ECE1: variants seen among roughly 807,000 people sequenced by gnomAD.
ECE1 encodes the protein endothelin converting enzyme 1.
A neutral mutation model predicts 98.6 loss-of-function variants in ECE1; 35 were observed. The observed-to-expected ratio is 0.35, with a 90% CI of 0.27 to 0.47. The LOEUF is 0.47. Among genes scored for constraint, ECE1 ranks in the 20% least tolerant of loss-of-function variants. ECE1 has a pLI of 1.00. For synonymous variants in ECE1, 394 were observed against 407.1 expected, an observed-to-expected ratio of 0.97 and a Z score of 0.39; for missense variants, 814 against 1,025.3, an observed-to-expected ratio of 0.79 and a Z score of 2.81.
At chr1:21,277,973 C>T (rs2098249448) in intron 3 of ECE1, among the ~76,000 whole-genome samples, 1 of 152,222 alleles carries the variant, frequency 6.6e-6, no homozygotes. Flanking sequence ...AGTCCCCTCC[C>T]CACCCCAGCG....
At chr1:21,261,661 T>C (rs2098227036) in intron 4 of ECE1, among the ~76,000 whole-genome samples, 1 of 152,226 alleles carries the variant, frequency 6.6e-6, no homozygotes, top group Admixed American at 6.5e-5. Flanking sequence ...AGCCCAGCCC[T>C]GTGCCTGGCA....
chr1:21,227,341 GCT>G, intron 15 of ECE1, 115 bp from the exon 16 acceptor site: 1 of 1,052,924 alleles, frequency 9.5e-7, no homozygotes, highest in Non-Finnish European at 1.5e-6. Flanking sequence ...ATTCCACAGG[GCT>G]CTGTGTGGAT....
At chr1:21,287,938 C>T (rs2098262424) in intron 2 of ECE1, among the ~76,000 whole-genome samples, 1 of 150,164 alleles carries the variant, frequency 6.7e-6, no homozygotes, top group Non-Finnish European at 1.5e-5. Context: ...CCCAAGTGAG[C>T]ATATAAAGCT....
rs1221990839 is a variant in ECE1, at chr1:21,272,908, G to T, written c.284C>A (p.Ser95Tyr). Residue 95 changes from serine to tyrosine, a missense_variant, in exon 4 of 19, where the codon TCC becomes TAC. Physicochemically the swap from Ser to Tyr is moderately radical, Grantham distance 144. Around this residue, in one of 3 missense-constraint regions of ECE1, gnomAD observed 257 missense variants for 278.9 expected, o/e 0.92. Transcript: ENST00000374893. Reference sequence around the variant, plus strand: ...AGCTTCGCTCAGGCACACAGAGGGGGATCCTGGAAGGGTTAAGGACAAGAG... The same window carrying T: ...AGCTTCGCTCAGGCACACAGAGGGGTATCCTGGAAGGGTTAAGGACAAGAG... ...AALGIQYQTR[S>Y]PSVCLSEACV... 6.2e-7 allele frequency: 1 copy of T among 1,613,996 alleles called. No individual in the cohort carries two copies. Among genetic ancestry groups the T allele is most frequent in the African/African-American group, 1.3e-5 (1 of 74,936 alleles).
At chr1:21,251,600 G>A (rs1375998661) in intron 8 of ECE1, among the ~76,000 whole-genome samples, 1 of 152,212 alleles carries the variant, frequency 6.6e-6, no homozygotes. Flanking sequence ...TAAAATACCT[G>A]CGGAGCTGGT....
At chr1:21,301,220 C>T (rs564712195) in intron 1 of ECE1, among the ~76,000 whole-genome samples, 33 of 152,250 alleles carry the variant, frequency 2.2e-4, no homozygotes, top group Admixed American at 1.4e-3. Flanking sequence ...ATGGGCCGGG[C>T]GCGGTGGCTC....
intron 9 of ECE1, 37 bp downstream of exon 9, chr1:21,247,184 T>C: frequency 6.2e-7 from 1 of 1,613,688 alleles, no homozygotes; most frequent in Non-Finnish European, 8.5e-7. Context: ...GGGCTGTCTG[T>C]GAGAGGCGTG....
Position 21,320,605 on chromosome 1 carries a change from T to C in ECE1, c.3+24771A>G, listed in dbSNP as rs180757342. ...GGTATGCCATCATCCTTCATTTGCA[T>C]AGACAGGGAACTGAGGCTCAGAGAG... On this transcript the variant is annotated intron_variant, in intron 1 of 18. Transcript: ENST00000415912. Among the ~76,000 whole-genome samples the C allele has an allele frequency of 7.9e-3, 1,209 of 152,290 alleles. 18 individuals carry two copies. The highest frequency in any genetic ancestry group is 0.027 in the African/African-American group (1,129 of 41,560).
At chr1:21,267,000 GAGC>G (rs1253807479) in intron 4 of ECE1, 1 of 152,210 alleles carries the variant, frequency 6.6e-6, no homozygotes, top group Non-Finnish European at 1.5e-5. Flanking sequence ...AATCCTTAAG[GAGC>G]AGTTTTAAGA....
intron 4 of ECE1, among the ~76,000 whole-genome samples, chr1:21,267,847 A>C (rs936121550): frequency 3.9e-5 from 6 of 152,232 alleles, no homozygotes; most frequent in African/African-American, 1.4e-4. Flanking sequence ...AATATGTCAA[A>C]ATAAAAATAC....
chr1:21,280,799 T>TTCTC (rs969104960), intron 2 of ECE1, among the ~76,000 whole-genome samples: 1 of 151,980 alleles, frequency 6.6e-6, no homozygotes, highest in African/African-American at 2.4e-5. Flanking sequence ...TGGCCATGGT[T>TTCTC]AGGTATTTAC....
At position 21,270,091 on chromosome 1, in the gene ECE1, G is replaced by C. The variant is rs544770919; in HGVS notation, c.493+2608C>G. Among the ~76,000 whole-genome samples, 9 of 152,354 alleles carry C rather than the reference G, an allele frequency of 5.9e-5. No individual in the cohort carries two copies. The South Asian group carries it at 1.9e-3, about 32-fold the overall frequency. On this transcript the variant is annotated intron_variant, in intron 4 of 18. Transcript: ENST00000374893. The stretch of plus-strand genomic sequence containing the variant: ...AAGAGCCCATTCTGGGCCTCACTGG[G>C]AAGCTAGAGGGCCTGTCCACTGTCC...
intron 9 of ECE1, among the ~76,000 whole-genome samples, chr1:21,245,313 C>T (rs1558382614): frequency 6.6e-6 from 1 of 152,212 alleles, no homozygotes. Context: ...ATAGGAAACG[C>T]TTCAGTGTTG....
At chr1:21,287,294 G>A (rs1002677728) in intron 2 of ECE1, among the ~76,000 whole-genome samples, 113 of 152,338 alleles carry the variant, frequency 7.4e-4, no homozygotes, top group African/African-American at 2.7e-3. Flanking sequence ...GGGAGGCCGA[G>A]GCAGGCAGAT....
chr1:21,272,656 C>T, intron 4 of ECE1, 43 bp downstream of exon 4: 1 of 1,611,156 alleles, frequency 6.2e-7, no homozygotes, highest in South Asian at 1.1e-5. Context: ...GCTGACAGCT[C>T]CCCGCTGTGG....
chr1:21,235,752 C>T lies in ECE1; in HGVS notation c.1566+98G>A. The T allele has an allele frequency of 8.0e-7, 1 of 1,246,792 alleles. No individual in the cohort carries two copies. Among genetic ancestry groups the T allele is most frequent in the Non-Finnish European group, 1.2e-6 (1 of 846,386 alleles). The allele number at this position is 1,246,792 out of a possible 1,614,324, so 77.2% of individuals were successfully genotyped here. On this transcript the variant is annotated intron_variant, in intron 13 of 18. Coordinates refer to ENST00000374893, the MANE Select transcript of ECE1 (RefSeq NM_001397.3). This position sits in a 1 kb window ranked among gnomAD's most constrained non-coding sequence, Gnocchi z 4.2. ...CATCATCCCTGTGTGTTTTGACAAC[C>T]ATGCTGCCTCTAGCACCCCATCTGG...
chr1:21,336,024 G>A (rs976080897), intron 1 of ECE1, among the ~76,000 whole-genome samples: 3 of 152,230 alleles, frequency 2.0e-5, no homozygotes, highest in African/African-American at 7.2e-5. Flanking sequence ...GGGGGCAGGG[G>A]CAGGGCTACA....
At chr1:21,273,338 C>CGT (rs780250320) in intron 3 of ECE1, among the ~76,000 whole-genome samples, 5 of 122,230 alleles carry the variant, frequency 4.1e-5, no homozygotes, top group East Asian at 2.8e-4. Flanking sequence ...TGTGCCCGTG[C>CGT]GTGTGTGCGT....
At chr1:21,234,345 TAA>T (rs1014853577) in intron 13 of ECE1, among the ~76,000 whole-genome samples, 4 of 151,010 alleles carry the variant, frequency 2.6e-5, no homozygotes, top group Admixed American at 6.6e-5. Context: ...TAAACTAATT[TAA>T]GTTTTAATTA....
Sources: gnomAD v4.1 joint callset for allele counts (sites outside exome capture counted in the v4.1 genomes callset) on GRCh38, gnomAD v4.1.1 for gene constraint, gnomAD v4.1.1 regional missense constraint, Gnocchi (gnomAD v3.1) non-coding constraint, MANE v1.5 for transcripts, NCBI Gene and HGNC (gene_info 2026-07-23, HGNC 2026-07-21) for gene names.